The following ENTPD1 variants were observed in gnomAD, a reference collection of about 807,000 sequenced individuals.
ENTPD1 encodes the protein ectonucleoside triphosphate diphosphohydrolase 1.
In ENTPD1, 33 loss-of-function variants were observed where a neutral mutation model predicts 57.0. The ratio of observed to expected loss-of-function variants is 0.58; its 90% CI spans 0.44 to 0.77. The LOEUF (loss-of-function observed/expected upper bound fraction) is 0.77. Ranked by LOEUF, ENTPD1 falls within the 30% of genes least tolerant of loss-of-function variation. The probability of loss-of-function intolerance (pLI) is 0.00; values close to 1 mark genes in which losing one functional copy is unlikely to be tolerated. For missense variants in ENTPD1, 501 were observed against 603.4 expected (o/e 0.83, Z 1.78); for synonymous variants, 202 against 218.8 (o/e 0.92, Z 0.68).
chr10:95,711,545 G>A (rs897950699), upstream of ENTPD1, among the ~76,000 whole-genome samples: 9 of 152,062 alleles, frequency 5.9e-5, no homozygotes, highest in South Asian at 8.3e-4. Context: ...ACTGTCACTC[G>A]AGCTGGAGCT....
intron 7 of ENTPD1, among the ~76,000 whole-genome samples, chr10:95,853,495 G>T (rs9702308): frequency 0.53 from 81,165 of 151,824 alleles, 22,143 homozygotes; most frequent in Admixed American, 0.63. Context: ...AGAGAGGGTA[G>T]CCCTGTCTTG....
At chr10:95,856,702 T>C (rs1006250368) in intron 7 of ENTPD1, among the ~76,000 whole-genome samples, 1 of 148,220 alleles carries the variant, frequency 6.7e-6, no homozygotes, top group African/African-American at 2.5e-5. Flanking sequence ...ACACACACTA[T>C]GGAATACTAC....
At chr10:95,844,760 A>G in intron 5 of ENTPD1, 125 bp downstream of exon 5, 2 of 1,206,156 alleles carry the variant, frequency 1.7e-6, no homozygotes, top group Admixed American at 1.7e-5. Context: ...TGGATGGATG[A>G]CTGGATGAAT....
chr10:95,853,891 C>A (rs2098449805), intron 7 of ENTPD1, among the ~76,000 whole-genome samples: 1 of 152,108 alleles, frequency 6.6e-6, no homozygotes, highest in Non-Finnish European at 1.5e-5. Flanking sequence ...GTCTAAAATT[C>A]TCTTTTTTTG....
chr10:95,855,561 G>C (rs1359020216), intron 7 of ENTPD1, among the ~76,000 whole-genome samples: 1 of 152,094 alleles, frequency 6.6e-6, no homozygotes, highest in Non-Finnish European at 1.5e-5. Flanking sequence ...GCATGTTTTT[G>C]CAGTGGCTGG....
chr10:95,819,408 C>T (rs971769782), intron 1 of ENTPD1, among the ~76,000 whole-genome samples: 2 of 152,126 alleles, frequency 1.3e-5, no homozygotes, highest in African/African-American at 2.4e-5. Flanking sequence ...AAGTGATCCG[C>T]CCACCTTTGC....
At chr10:95,814,053 C>G (rs892071213) in intron 1 of ENTPD1, among the ~76,000 whole-genome samples, 2 of 152,222 alleles carry the variant, frequency 1.3e-5, no homozygotes, top group Non-Finnish European at 2.9e-5. Flanking sequence ...GAAGAAGACT[C>G]GTTTAGTGGA....
chr10:95,867,505 A>G lies in ENTPD1; in HGVS notation c.*1122A>G, dbSNP rs768020398. 4.1e-6 allele frequency: 4 copies of G among 985,536 alleles called. No homozygotes were observed. The highest frequency in any genetic ancestry group is 4.8e-6 in the Non-Finnish European group (4 of 829,938). The allele number at this position is 985,536 out of a possible 1,614,324, so 61.0% of individuals were successfully genotyped here. On this transcript the variant is annotated 3_prime_UTR_variant, in exon 10 of 10. Transcript: ENST00000371205. ...AGGTTTAATTTAGTGAGAGGGCAGC[A>G]TTAGTGTGGAGTGGCATGCTTTTGC... is the stretch of plus-strand genomic sequence containing the variant.
intron 1 of ENTPD1, among the ~76,000 whole-genome samples, chr10:95,782,031 A>C (rs2098160109): frequency 6.6e-6 from 1 of 152,206 alleles, no homozygotes; most frequent in South Asian, 2.1e-4. Flanking sequence ...TCTTCTTTAG[A>C]ATTTCTGCCT....
intron 2 of ENTPD1, among the ~76,000 whole-genome samples, chr10:95,835,102 CCT>C (rs2098406516): frequency 6.6e-6 from 1 of 152,228 alleles, no homozygotes; most frequent in Admixed American, 6.5e-5. Flanking sequence ...CCCCACCTCC[CCT>C]CTTTTGGAAT....
intron 7 of ENTPD1, among the ~76,000 whole-genome samples, chr10:95,849,106 T>C (rs1326407429): frequency 1.3e-5 from 2 of 152,036 alleles, no homozygotes; most frequent in African/African-American, 4.8e-5. Context: ...TTTTGAAGAG[T>C]TGGGGGATTA....
chr10:95,790,879 A>G (rs190941498), intron 1 of ENTPD1, among the ~76,000 whole-genome samples: 3 of 152,332 alleles, frequency 2.0e-5, no homozygotes. Context: ...TGGTAGGGAA[A>G]TATACTACAA....
chr10:95,834,133 G>A (rs935229503), intron 2 of ENTPD1, among the ~76,000 whole-genome samples: 2 of 152,106 alleles, frequency 1.3e-5, no homozygotes, highest in African/African-American at 2.4e-5. Flanking sequence ...AGGAATTTAG[G>A]AACCATCCAG....
the ENTPD1 span, among the ~76,000 whole-genome samples, chr10:95,700,976 T>C: frequency 6.6e-6 from 1 of 152,152 alleles, no homozygotes; most frequent in Non-Finnish European, 1.5e-5. Context: ...GTATTTTTAG[T>C]AGAGATGAGG....
At chr10:95,839,264 G>A (rs1246921974) in intron 2 of ENTPD1, 1 of 247,460 alleles carries the variant, frequency 4.0e-6, no homozygotes, top group African/African-American at 2.3e-5. Flanking sequence ...TAGGACACAA[G>A]CATCAGTAGC....
At position 95,788,828 on chromosome 10, in the gene ENTPD1, A is replaced by G. The variant is rs527989973; in HGVS notation, c.16+32573A>G. Among the ~76,000 whole-genome samples, 54 of 152,300 alleles carry G rather than the reference A, an allele frequency of 3.5e-4. 1 individual carries two copies. Among genetic ancestry groups the G allele is most frequent in the South Asian group, 6.2e-4 (3 of 4,830 alleles). Reference sequence around the variant, plus strand: ...TTTTCTCTATTTTCTAAAAATCTCTATGGTAACTATGGCTTTTATAAAATA... The same window carrying G: ...TTTTCTCTATTTTCTAAAAATCTCTGTGGTAACTATGGCTTTTATAAAATA... On this transcript the variant is annotated intron_variant, in intron 1 of 9. Coordinates refer to ENST00000371205, the MANE Select transcript of ENTPD1 (RefSeq NM_001776.6).
chr10:95,697,517 C>T, the ENTPD1 span, among the ~76,000 whole-genome samples: 34 of 152,144 alleles, frequency 2.2e-4, no homozygotes, highest in African/African-American at 8.0e-4. Context: ...GTGATTTGAT[C>T]ATGAGGTCTC....
At chr10:95,718,273 G>A (rs1424788011) in intron 1 of ENTPD1, among the ~76,000 whole-genome samples, 2 of 152,170 alleles carry the variant, frequency 1.3e-5, no homozygotes, top group African/African-American at 4.8e-5. Context: ...CTATGTCCTT[G>A]TGAGGTTCCC....
chr10:95,767,330 A>G (rs10882661), intron 1 of ENTPD1, among the ~76,000 whole-genome samples: 35,104 of 148,100 alleles, frequency 0.24, 5,390 homozygotes, highest in Admixed American at 0.35. Context: ...AAAAAAAAAA[A>G]AAAGAAAGAA....
Sources: gnomAD v4.1 joint callset for allele counts (sites outside exome capture counted in the v4.1 genomes callset) on GRCh38, gnomAD v4.1.1 for gene constraint, MANE v1.5 for transcripts, NCBI Gene and HGNC (gene_info 2026-07-23, HGNC 2026-07-21) for gene names.